Variants in XYLT1 observed in about 807,000 individuals in gnomAD.
XYLT1 encodes the protein beta-D-xylosyltransferase 1.
In XYLT1, 36 loss-of-function variants were observed where a neutral mutation model predicts 91.3. That is an observed-to-expected ratio of 0.39 (90% CI 0.30 to 0.52). XYLT1 has a LOEUF of 0.52. Among genes scored for constraint, XYLT1 ranks in the 20% least tolerant of loss-of-function variants. XYLT1 has a pLI of 0.68. For synonymous variants in XYLT1, 588 were observed against 532.0 expected (o/e 1.11, Z -1.45); for missense variants, 1,242 against 1,284.5 (o/e 0.97, Z 0.51).
At chr16:17,140,481 C>A (rs1045416402) in intron 7 of XYLT1, among the ~76,000 whole-genome samples, 7 of 151,680 alleles carry the variant, frequency 4.6e-5, no homozygotes, top group African/African-American at 1.7e-4. Context: ...GCCAACATGG[C>A]AAAACCCCAT....
Position 17,102,303 on chromosome 16 carries a change from A to AGAAGCCACATATAGT in XYLT1, c.*6377_*6391dup, listed in dbSNP as rs1966714779. ...GTAAAGATGCACAATGTTGCTGAAA[A>AGAAGCCACATATAGT]GAAGCCACATATAGTCACTGTTCCA... On this transcript the variant is annotated 3_prime_UTR_variant, in exon 12 of 12. Transcript: ENST00000261381. 1 of 152,670 alleles carries AGAAGCCACATATAGT rather than the reference A, an allele frequency of 6.6e-6. No homozygotes were observed. The highest frequency in any genetic ancestry group is 6.5e-5 in the Admixed American group (1 of 15,294). 9.5% of individuals were successfully genotyped at this position (152,670 alleles called of 1,614,324 possible).
At chr16:17,283,692 C>G (rs916412426) in intron 2 of XYLT1, among the ~76,000 whole-genome samples, 8 of 152,124 alleles carry the variant, frequency 5.3e-5, no homozygotes, top group African/African-American at 1.9e-4. Flanking sequence ...CCAACGCAAC[C>G]ACAACTCATT....
At chr16:17,345,662 GAA>G (rs1376512227) in intron 2 of XYLT1, among the ~76,000 whole-genome samples, 2 of 152,226 alleles carry the variant, frequency 1.3e-5, no homozygotes, top group Non-Finnish European at 2.9e-5. Flanking sequence ...CTGAGCAAGT[GAA>G]AGAGTTGGGA....
At chr16:17,424,867 CAA>C (rs57342754) in intron 1 of XYLT1, among the ~76,000 whole-genome samples, 7,883 of 76,056 alleles carry the variant, frequency 0.1, 162 homozygotes, top group Middle Eastern at 0.19. Context: ...GACTCCATCT[CAA>C]AAAAAAAAAA....
Position 17,134,473 on chromosome 16 carries a change from C to T in XYLT1, c.2027G>A (p.Arg676Gln), listed in dbSNP as rs765771864. Residue 676 changes from arginine to glutamine, a missense_variant and splice_region_variant, in exon 9 of 12, where the codon CGA becomes CAA. By Grantham distance (43) the Arg-to-Gln change is conservative. Transcript: ENST00000261381. Reference sequence around the variant, plus strand: ...TCTCTGCATCCCATATAGGGCTCACCGGCAGCTGTTCTCCCCATCCGTGTG... The same window carrying T: ...TCTCTGCATCCCATATAGGGCTCACTGGCAGCTGTTCTCCCCATCCGTGTG... The part of the protein sequence containing the change: ...SLHTDGENSC[R>Q]YYPMGHPASV... The T allele has an allele frequency of 3.7e-5, 59 of 1,613,808 alleles. No individual in the cohort carries two copies. The highest frequency in any genetic ancestry group is 4.2e-5 in the Non-Finnish European group (49 of 1,179,996).
chr16:17,111,074 C>G (rs935422784), intron 11 of XYLT1, among the ~76,000 whole-genome samples: 1 of 152,038 alleles, frequency 6.6e-6, no homozygotes, highest in African/African-American at 2.4e-5. Context: ...GCAGGAGAAT[C>G]GTTTGAACCT....
chr16:17,285,282 C>T (rs2141790040), intron 2 of XYLT1, among the ~76,000 whole-genome samples: 1 of 152,268 alleles, frequency 6.6e-6, no homozygotes, highest in African/African-American at 2.4e-5. Context: ...TGATCTCACA[C>T]CAGCAAATGG....
chr16:17,236,856 G>A (rs190889925), intron 3 of XYLT1, among the ~76,000 whole-genome samples: 7 of 152,218 alleles, frequency 4.6e-5, no homozygotes, highest in East Asian at 1.9e-4. Flanking sequence ...ATTAGGGCAC[G>A]CTCTAATGAC....
intron 3 of XYLT1, among the ~76,000 whole-genome samples, chr16:17,220,995 C>T (rs1299231285): frequency 6.6e-6 from 1 of 152,166 alleles, no homozygotes; most frequent in Non-Finnish European, 1.5e-5. Context: ...ACAAAATAGG[C>T]ACTAGGGCAA....
In XYLT1 at chr16:17,104,446, A is replaced by T. The variant is rs1224232075; in HGVS notation, c.*4249T>A. The T allele has an allele frequency of 1.3e-5, 2 of 152,118 alleles. No homozygotes were observed. Among genetic ancestry groups the T allele is most frequent in the Non-Finnish European group, 2.9e-5 (2 of 68,008 alleles). The allele number at this position is 152,118 out of a possible 1,614,324, so 9.4% of individuals were successfully genotyped here. ...CCCTCTGTGGAATGGTCTCTTGAGG[A>T]GTGGAATGACTTAGCAAGAGGTCCC... On this transcript the variant is annotated 3_prime_UTR_variant, in exon 12 of 12. Coordinates refer to ENST00000261381, the MANE Select transcript of XYLT1 (RefSeq NM_022166.4).
intron 3 of XYLT1, among the ~76,000 whole-genome samples, chr16:17,222,179 G>A (rs2032980937): frequency 6.6e-6 from 1 of 152,166 alleles, no homozygotes; most frequent in African/African-American, 2.4e-5. Context: ...AAGAACATGG[G>A]TCCTAGAGGA....
intron 2 of XYLT1, among the ~76,000 whole-genome samples, chr16:17,307,845 C>G (rs1007496823): frequency 1.3e-5 from 2 of 152,190 alleles, no homozygotes; most frequent in African/African-American, 4.8e-5. Context: ...TAAGCACAGC[C>G]TCTAAGGAGA....
At chr16:17,211,358 T>C (rs1408255944) in intron 3 of XYLT1, among the ~76,000 whole-genome samples, 1 of 152,176 alleles carries the variant, frequency 6.6e-6, no homozygotes, top group Admixed American at 6.5e-5. Flanking sequence ...TTTTGATCTT[T>C]CTGGATGAGG....
intron 3 of XYLT1, among the ~76,000 whole-genome samples, chr16:17,233,047 C>T (rs528606157): frequency 4.6e-5 from 7 of 152,216 alleles, no homozygotes; most frequent in South Asian, 4.1e-4. Flanking sequence ...TCAGGGGGCA[C>T]CTTCCCTTCA....
chr16:17,414,965 AC>A (rs1293561182), intron 1 of XYLT1, among the ~76,000 whole-genome samples: 1 of 151,564 alleles, frequency 6.6e-6, no homozygotes, highest in Non-Finnish European at 1.5e-5. Context: ...AGAACTGCAG[AC>A]CCCCCGCAGA....
chr16:17,397,585 G>A (rs368215643), intron 1 of XYLT1, among the ~76,000 whole-genome samples: 158 of 152,164 alleles, frequency 1.0e-3, no homozygotes, highest in African/African-American at 3.3e-3. Context: ...CTGCTCTGAT[G>A]CTATCAAAGG....
intron 1 of XYLT1, among the ~76,000 whole-genome samples, chr16:17,441,784 T>C (rs774698826): frequency 2.0e-5 from 3 of 152,148 alleles, no homozygotes; most frequent in Admixed American, 2.0e-4. Flanking sequence ...ATAGGATCAT[T>C]ATCAAAAGGA....
chr16:17,205,363 G>A (rs2141593856), intron 3 of XYLT1, among the ~76,000 whole-genome samples: 1 of 152,356 alleles, frequency 6.6e-6, no homozygotes, highest in African/African-American at 2.4e-5. Flanking sequence ...GATCATGTTA[G>A]CAGTGTCCTG....
intron 2 of XYLT1, among the ~76,000 whole-genome samples, chr16:17,321,604 C>A (rs180846855): frequency 1.3e-5 from 2 of 151,840 alleles, no homozygotes; most frequent in Admixed American, 1.3e-4. Context: ...GTGATCTCCC[C>A]GTGTCAGACT....
Sources: allele counts gnomAD v4.1 joint callset (sites outside exome capture counted in the v4.1 genomes callset), GRCh38; gene constraint gnomAD v4.1.1; transcripts MANE v1.5; gene names NCBI Gene and HGNC (gene_info 2026-07-23, HGNC 2026-07-21).